Variants in CCDC7 observed in about 807,000 individuals in gnomAD.
CCDC7 encodes coiled-coil domain-containing protein 7.
Under a neutral mutation model 196.9 loss-of-function variants are expected in CCDC7, and 183 were observed. The observed-to-expected ratio is 0.93, with a 90% confidence interval of 0.82 to 1.05. CCDC7 has a LOEUF of 1.05. Ranked by LOEUF, CCDC7 falls within the 50% of genes least tolerant of loss-of-function variation. The pLI is 0.00. For missense variants in CCDC7, 1,540 were observed against 1,482.2 expected (o/e 1.04, Z -0.64); for synonymous variants, 525 against 484.6 (o/e 1.08, Z -1.10).
At chr10:32,588,505 T>G (rs1457431598) in intron 18 of CCDC7, among the ~76,000 whole-genome samples, 2 of 152,216 alleles carry the variant, frequency 1.3e-5, no homozygotes, top group African/African-American at 2.4e-5. Flanking sequence ...TTTCCTGGGA[T>G]AAATCCTACT....
chr10:32,697,190 A>G (rs1310130996), intron 24 of CCDC7, among the ~76,000 whole-genome samples: 1 of 152,204 alleles, frequency 6.6e-6, no homozygotes, highest in Non-Finnish European at 1.5e-5. Flanking sequence ...ATTCTCATAA[A>G]GAACGCACAA....
intron 21 of CCDC7, among the ~76,000 whole-genome samples, chr10:32,670,793 T>C (rs1197240210): frequency 6.6e-6 from 1 of 152,124 alleles, no homozygotes; most frequent in Non-Finnish European, 1.5e-5. Flanking sequence ...CTATTGTTTT[T>C]CTAGTATCTA....
intron 28 of CCDC7, among the ~76,000 whole-genome samples, chr10:32,773,518 T>TAAAATAGAAA (rs2079497645): frequency 2.6e-5 from 4 of 152,146 alleles, no homozygotes; most frequent in Admixed American, 1.3e-4. Flanking sequence ...CTCTTTGGTC[T>TAAAATAGAAA]TAAAAAATTG....
intron 33 of CCDC7, among the ~76,000 whole-genome samples, chr10:32,839,406 G>A (rs962879125): frequency 2.0e-5 from 3 of 151,814 alleles, no homozygotes; most frequent in African/African-American, 7.3e-5. Context: ...GGTTAAAAAT[G>A]ACAAAGAGGG....
At chr10:32,702,606 T>G (rs1289428521) in intron 24 of CCDC7, among the ~76,000 whole-genome samples, 1 of 152,188 alleles carries the variant, frequency 6.6e-6, no homozygotes, top group Non-Finnish European at 1.5e-5. Flanking sequence ...ATCTGTCTAA[T>G]GTTGACAGTG....
At chr10:32,648,434 A>C (rs913732376) in intron 20 of CCDC7, among the ~76,000 whole-genome samples, 1 of 152,150 alleles carries the variant, frequency 6.6e-6, no homozygotes, top group African/African-American at 2.4e-5. Flanking sequence ...GGCCTTTTTT[A>C]CTATATTGAT....
At chr10:32,511,261 C>CGGCGG in intron 9 of CCDC7, 1 of 380,454 alleles carries the variant, frequency 2.6e-6, no homozygotes, top group Non-Finnish European at 4.3e-6. Flanking sequence ...CTGTGGGGGG[C>CGGCGG]GGGGGGGGCG....
At chr10:32,656,706 A>G (rs905643075) in intron 20 of CCDC7, among the ~76,000 whole-genome samples, 1 of 152,180 alleles carries the variant, frequency 6.6e-6, no homozygotes, top group Non-Finnish European at 1.5e-5. Flanking sequence ...GAGCCAAACC[A>G]TATCATTCCA....
At chr10:32,575,910 G>C (rs1590084390) in intron 16 of CCDC7, among the ~76,000 whole-genome samples, 1 of 152,038 alleles carries the variant, frequency 6.6e-6, no homozygotes, top group East Asian at 1.9e-4. Context: ...TCACCAGCTG[G>C]GTTAGATGAG....
At chr10:32,524,223 A>C (rs1017785783) in intron 11 of CCDC7, among the ~76,000 whole-genome samples, 1 of 152,176 alleles carries the variant, frequency 6.6e-6, no homozygotes, top group Non-Finnish European at 1.5e-5. Flanking sequence ...TAAACTAATG[A>C]CAACTTAACA....
intron 20 of CCDC7, among the ~76,000 whole-genome samples, chr10:32,661,509 CAG>C (rs1349858657): frequency 6.6e-6 from 1 of 152,188 alleles, no homozygotes; most frequent in East Asian, 1.9e-4. Flanking sequence ...CAGCATATCT[CAG>C]AGTCTCACCT....
intron 41 of CCDC7, among the ~76,000 whole-genome samples, chr10:32,857,622 A>G (rs544435388): frequency 1.1e-4 from 17 of 152,276 alleles, no homozygotes; most frequent in African/African-American, 4.1e-4. Context: ...TATGGGAAGC[A>G]GCAAAAGTAA....
chr10:32,643,798 A>C (rs2067256421), intron 20 of CCDC7, among the ~76,000 whole-genome samples: 1 of 151,526 alleles, frequency 6.6e-6, no homozygotes, highest in African/African-American at 2.4e-5. Flanking sequence ...TTTACATGTA[A>C]CTTCATAGTT....
chr10:32,876,271 T>C, intron 41 of CCDC7, 76 bp from the exon 43 acceptor site: 10 of 1,068,306 alleles, frequency 9.4e-6, no homozygotes, highest in Non-Finnish European at 1.4e-5. Flanking sequence ...TTCCATGATA[T>C]CATATACAAT....
chr10:32,583,798 T>TCTCAAG (rs2058967866), intron 17 of CCDC7, among the ~76,000 whole-genome samples: 2 of 152,096 alleles, frequency 1.3e-5, no homozygotes, highest in South Asian at 2.1e-4. Flanking sequence ...ATAAAAGGGC[T>TCTCAAG]GTACATATTT....
At chr10:32,560,350 A>G (rs2055253240) in intron 13 of CCDC7, among the ~76,000 whole-genome samples, 1 of 152,280 alleles carries the variant, frequency 6.6e-6, no homozygotes, top group South Asian at 2.1e-4. Flanking sequence ...CGAGAAGAGC[A>G]ACTCCAAGAC....
intron 18 of CCDC7, among the ~76,000 whole-genome samples, chr10:32,613,032 G>C (rs1042713085): frequency 6.6e-6 from 1 of 151,998 alleles, no homozygotes. Flanking sequence ...GGTAGAATTC[G>C]ACTGTGAAAC....
At chr10:32,518,993 A>C (rs955364673) in intron 11 of CCDC7, among the ~76,000 whole-genome samples, 10 of 152,146 alleles carry the variant, frequency 6.6e-5, no homozygotes, top group Non-Finnish European at 1.3e-4. Context: ...TTAGAAGTGA[A>C]CTTTTATTAA....
intron 9 of CCDC7, among the ~76,000 whole-genome samples, chr10:32,509,417 C>A (rs2045742382): frequency 6.6e-6 from 1 of 151,560 alleles, no homozygotes; most frequent in South Asian, 2.1e-4. Flanking sequence ...GCATTAAAAA[C>A]TTACCTGTAT....
Sources: allele counts gnomAD v4.1 joint callset (sites outside exome capture counted in the v4.1 genomes callset), GRCh38; gene constraint gnomAD v4.1.1; transcripts MANE v1.5; gene names NCBI Gene and HGNC (gene_info 2026-07-23, HGNC 2026-07-21).